The following DIPK2B variants were observed in gnomAD, a reference collection of about 807,000 sequenced individuals.
The protein encoded by DIPK2B is UPF0672 protein CXorf36.
Under a neutral mutation model 22.2 loss-of-function variants are expected in DIPK2B, and 15 were observed. That is an observed-to-expected ratio of 0.68 (90% CI 0.45 to 1.04). The LOEUF (loss-of-function observed/expected upper bound fraction) is 1.04, where lower values mean the gene tolerates loss of function less well. DIPK2B is among the 50% of genes least tolerant of loss of function. The pLI is 0.00. For missense variants in DIPK2B, 345 were observed against 348.3 expected, an observed-to-expected ratio of 0.99 and a Z score of 0.08; for synonymous variants, 163 against 153.2, an observed-to-expected ratio of 1.06 and a Z score of -0.47.
At chrX:45,190,682 C>T (rs2047205882) in intron 2 of DIPK2B, among the ~76,000 whole-genome samples, 1 of 111,894 alleles carries the variant, frequency 8.9e-6, no homozygotes. Flanking sequence ...TTTGCCATAG[C>T]TTTTAGTGGC....
chrX:45,183,022 G>C (rs2047163236), intron 2 of DIPK2B, among the ~76,000 whole-genome samples: 1 of 111,916 alleles, frequency 8.9e-6, no homozygotes, highest in South Asian at 3.7e-4. Context: ...ATCTTGATAT[G>C]GATGGTGGCC....
intron 2 of DIPK2B, chrX:45,163,618 C>A (rs2047033040): frequency 1.3e-6 from 1 of 752,434 alleles, no homozygotes; most frequent in Non-Finnish European, 1.6e-6. Flanking sequence ...AGAATGGAAA[C>A]ATAAAAGATA....
chrX:45,186,614 A>C (rs2047184424), intron 2 of DIPK2B, among the ~76,000 whole-genome samples: 1 of 112,896 alleles, frequency 8.9e-6, no homozygotes, highest in East Asian at 2.8e-4. Context: ...ACAAACAAAC[A>C]AGCAAATGGA....
At chrX:45,178,144 C>A (rs2047128659) in intron 2 of DIPK2B, among the ~76,000 whole-genome samples, 1 of 111,848 alleles carries the variant, frequency 8.9e-6, no homozygotes, top group Non-Finnish European at 1.9e-5. Flanking sequence ...CCAGCTGGGT[C>A]CTGGCCAAAG....
Position 45,200,350 on chromosome X carries a change from G to A in DIPK2B, c.233+244C>T, listed in dbSNP as rs781042941. The stretch of plus-strand genomic sequence containing the variant: ...CAGTCCCAGGCTACTCCATTCATAG[G>A]AAAGAAAACTTCAAGCTTTCAGTTC... On this transcript the variant is annotated intron_variant, in intron 1 of 4. Coordinates refer to ENST00000398000, the MANE Select transcript of DIPK2B (RefSeq NM_176819.4). Among the ~76,000 whole-genome samples the A allele has an allele frequency of 2.7e-5, 3 of 112,111 alleles. No individual in the cohort carries two copies. The Admixed American group carries it at 2.8e-4, about 11-fold the overall frequency.
chrX:45,158,115 G>T, intron 2 of DIPK2B, among the ~76,000 whole-genome samples: 1 of 101,186 alleles, frequency 9.9e-6, no homozygotes. Context: ...GACCCCTGTG[G>T]CTGGGAAGAG....
In DIPK2B at chrX:45,159,724, G is replaced by C. The variant is rs1310244163; in HGVS notation, c.499-1836C>G. On this transcript the variant is annotated intron_variant, in intron 2 of 4. Coordinates refer to ENST00000398000, the MANE Select transcript of DIPK2B (RefSeq NM_176819.4). Reference sequence around the variant, plus strand: ...CAATGAGCTATTGGAGCCAACAGGAGGAGGGCCACATTACAACTTTCATGG... The same window carrying C: ...CAATGAGCTATTGGAGCCAACAGGACGAGGGCCACATTACAACTTTCATGG... Among the ~76,000 whole-genome samples, 3 of 111,847 alleles carry C rather than the reference G, an allele frequency of 2.7e-5. No individual in the cohort carries two copies. The East Asian group carries it at 8.4e-4, about 31-fold the overall frequency.
At chrX:45,187,085 A>G (rs1036577870) in intron 2 of DIPK2B, among the ~76,000 whole-genome samples, 3 of 112,028 alleles carry the variant, frequency 2.7e-5, no homozygotes, top group Non-Finnish European at 5.6e-5. Context: ...CTGTACTGCC[A>G]TCTAGTGGGG....
At chrX:45,165,353 C>A (rs772364816) in intron 2 of DIPK2B, among the ~76,000 whole-genome samples, 5 of 111,602 alleles carry the variant, frequency 4.5e-5, no homozygotes, top group African/African-American at 1.6e-4. Flanking sequence ...CTCCAGAAAA[C>A]CAGACAATCT....
At chrX:45,178,664 G>A (rs2047132212) in intron 2 of DIPK2B, among the ~76,000 whole-genome samples, 1 of 111,622 alleles carries the variant, frequency 9.0e-6, no homozygotes, top group Non-Finnish European at 1.9e-5. Flanking sequence ...GGATTTGGGA[G>A]ACATAGTCCT....
Position 45,200,836 on chromosome X carries a change from T to G in DIPK2B, c.-10A>C. On this transcript the variant is annotated 5_prime_UTR_variant, in exon 1 of 5. Transcript: ENST00000398000. ...CCAGCTGGGGCTCCATCTTGGGCTC[T>G]GGGCTCCAGCTGCAGCCTCTGGCTG... The G allele has an allele frequency of 8.6e-7, 1 of 1,158,569 alleles. No homozygotes were observed. The highest frequency in any genetic ancestry group is 1.2e-6 in the Non-Finnish European group (1 of 864,519).
Position 45,164,165 on chromosome X carries a change from G to A in DIPK2B, c.499-6277C>T, listed in dbSNP as rs373234614. ...GGCTAACACTTTCTGGAAGTTCTCAGTGCTGGGCTCCATGCCAGGCTTTTT... is the reference window on the plus strand; with the variant it reads ...GGCTAACACTTTCTGGAAGTTCTCAATGCTGGGCTCCATGCCAGGCTTTTT... On this transcript the variant is annotated intron_variant, in intron 2 of 4. Coordinates refer to ENST00000398000, the MANE Select transcript of DIPK2B (RefSeq NM_176819.4). The A allele has an allele frequency of 7.2e-5, 86 of 1,187,899 alleles. No individual in the cohort carries two copies. The East Asian group carries it at 8.7e-4, about 12-fold the overall frequency.
chrX:45,182,065 A>T (rs1046313184), intron 2 of DIPK2B, among the ~76,000 whole-genome samples: 1 of 74,205 alleles, frequency 1.3e-5, no homozygotes, highest in Admixed American at 1.3e-4. Flanking sequence ...TGACAGAGAC[A>T]CCCTGTCTCA....
rs200169453 is a variant in DIPK2B at position 45,158,556 on chromosome X, CT to C, written c.499-669del. Among the ~76,000 whole-genome samples the C allele has an allele frequency of 3.8e-3, 406 of 106,519 alleles. 2 individuals are homozygous for C. Among genetic ancestry groups the C allele is most frequent in the African/African-American group, 1.0e-2 (293 of 29,395 alleles). The allele number at this position is 106,519 out of a possible 115,157, so 92.5% of individuals were successfully genotyped here. A position where few individuals can be genotyped will look rare whatever the true frequency, so the allele number is the denominator to read the frequency against. ...TAAGACTTGGAGATACGAACCTAGG[CT>C]TTTTTTTTTCTCTCATGACTTTCTA... On this transcript the variant is annotated intron_variant, in intron 2 of 4. Coordinates refer to ENST00000398000, the MANE Select transcript of DIPK2B (RefSeq NM_176819.4).
intron 3 of DIPK2B, among the ~76,000 whole-genome samples, chrX:45,154,997 A>T (rs2046985302): frequency 8.9e-6 from 1 of 112,176 alleles, no homozygotes; most frequent in Non-Finnish European, 1.9e-5. Flanking sequence ...TATTTTAAAA[A>T]ATAACAGTGG....
Position 45,151,738 on chromosome X carries a change from G to A in DIPK2B, c.1216C>T (p.Leu406=), listed in dbSNP as rs369072675. Residue 406 remains leucine, a synonymous_variant, in exon 5 of 5, where the codon CTG becomes TTG. Coordinates refer to ENST00000398000, the MANE Select transcript of DIPK2B (RefSeq NM_176819.4). ...DPEVLGAASQ[L]KDILRPLRTC... is the part of the protein sequence containing the mutation. ...CTCAGGGGCCTCAAGATGTCTTTCA[G>A]CTGGCTGGCGGCCCCAAGGACTTCT... The A allele has an allele frequency of 2.5e-6, 3 of 1,210,369 alleles. No homozygotes were observed. The African/African-American group carries it at 5.2e-5, about 21-fold the overall frequency.
intron 2 of DIPK2B, among the ~76,000 whole-genome samples, chrX:45,184,266 A>C: frequency 8.9e-6 from 1 of 111,816 alleles, no homozygotes; most frequent in East Asian, 2.8e-4. Flanking sequence ...AGCTACAAGA[A>C]GACAGATTTG....
intron 2 of DIPK2B, among the ~76,000 whole-genome samples, chrX:45,165,370 C>T (rs1397524745): frequency 2.7e-5 from 3 of 111,763 alleles, no homozygotes; most frequent in Non-Finnish European, 1.9e-5. Context: ...ATCTTCAAAA[C>T]CACTCTAATG....
chrX:45,154,811 C>CTT (rs575361730), intron 3 of DIPK2B, among the ~76,000 whole-genome samples: 2 of 100,730 alleles, frequency 2.0e-5, no homozygotes, highest in Non-Finnish European at 4.0e-5. Flanking sequence ...TAAAGCAAAA[C>CTT]TTTTTTTTTT....
Sources: allele counts gnomAD v4.1 joint callset (sites outside exome capture counted in the v4.1 genomes callset), GRCh38; gene constraint gnomAD v4.1.1; transcripts MANE v1.5; gene names NCBI Gene and HGNC (gene_info 2026-07-23, HGNC 2026-07-21).